LCA5L: variants seen among roughly 807,000 people sequenced by gnomAD.
LCA5L encodes lebercilin-like protein.
A neutral mutation model predicts 45.4 loss-of-function variants in LCA5L; 35 were observed. The observed-to-expected ratio is 0.77, with a 90% CI of 0.59 to 1.02. The LOEUF (loss-of-function observed/expected upper bound fraction) is 1.02, where lower values mean the gene tolerates loss of function less well. Ranked by LOEUF, LCA5L falls within the 50% of genes least tolerant of loss-of-function variation. The pLI is 0.00. For synonymous variants in LCA5L, 233 were observed against 264.7 expected (o/e 0.88, Z 1.16); for missense variants, 668 against 761.6 (o/e 0.88, Z 1.45).
At chr21:39,423,514 T>C in intron 5 of LCA5L, 24 bp from the exon 6 acceptor site, 1 of 1,519,654 alleles carries the variant, frequency 6.6e-7, no homozygotes, top group Non-Finnish European at 8.7e-7. Flanking sequence ...AAATCCAGTT[T>C]ATTACTAGTA....
intron 7 of LCA5L, among the ~76,000 whole-genome samples, chr21:39,419,893 A>G (rs1441911086): frequency 6.6e-6 from 1 of 152,234 alleles, no homozygotes; most frequent in Non-Finnish European, 1.5e-5. Context: ...AATATTTTAA[A>G]AATTCTTATT....
At chr21:39,407,388 G>A (rs2039258606) in intron 10 of LCA5L, among the ~76,000 whole-genome samples, 1 of 152,194 alleles carries the variant, frequency 6.6e-6, no homozygotes, top group African/African-American at 2.4e-5. Flanking sequence ...TGTTGGTACA[G>A]CATTTTTGGA....
chr21:39,417,199 AT>A (rs1181865017), intron 7 of LCA5L, among the ~76,000 whole-genome samples: 1 of 151,810 alleles, frequency 6.6e-6, no homozygotes, highest in Non-Finnish European at 1.5e-5. Context: ...CACCTGGCTA[AT>A]TTTTTTATTT....
chr21:39,442,348 C>T (rs775293314), intron 2 of LCA5L, among the ~76,000 whole-genome samples: 1 of 152,016 alleles, frequency 6.6e-6, no homozygotes, highest in South Asian at 2.1e-4. Flanking sequence ...GCAGGGCCTT[C>T]GGAAGGCGTG....
intron 2 of LCA5L, among the ~76,000 whole-genome samples, chr21:39,442,901 G>A (rs145549171): frequency 3.0e-3 from 454 of 152,260 alleles, no homozygotes; most frequent in Non-Finnish European, 4.9e-3. Context: ...ATGAAGGGGC[G>A]CAATGGAGAA....
At position 39,412,699 on chromosome 21, in the gene LCA5L, G is replaced by A. The variant is rs148514011; in HGVS notation, c.976-897C>T. On this transcript the variant is annotated intron_variant, in intron 7 of 10. Coordinates refer to ENST00000288350, the MANE Select transcript of LCA5L (RefSeq NM_152505.4). ...ATCTATGGGCCAAGGGATATTCAGG[G>A]GGTGAGAAACATCTCTGAGGTTTGG... Among the ~76,000 whole-genome samples the A allele has an allele frequency of 5.2e-3, 787 of 152,284 alleles. 10 individuals are homozygous for A. Among genetic ancestry groups the A allele is most frequent in the African/African-American group, 0.018 (736 of 41,558 alleles).
intron 2 of LCA5L, chr21:39,439,610 A>G (rs1490472893): frequency 1.3e-5 from 2 of 152,244 alleles, no homozygotes; most frequent in African/African-American, 2.4e-5. Context: ...GCCTTGGACT[A>G]TATCTAGGAA....
intron 10 of LCA5L, among the ~76,000 whole-genome samples, chr21:39,406,947 C>G (rs1305442131): frequency 6.6e-6 from 1 of 152,186 alleles, no homozygotes; most frequent in Non-Finnish European, 1.5e-5. Context: ...ACAATGATGG[C>G]TGGGTGCAGT....
At chr21:39,426,588 T>C (rs1383270701) in intron 5 of LCA5L, among the ~76,000 whole-genome samples, 2 of 152,238 alleles carry the variant, frequency 1.3e-5, no homozygotes, top group Admixed American at 1.3e-4. Context: ...ACTATATTTT[T>C]GCAGTGAAAT....
chr21:39,417,330 G>A (rs1326822114), intron 7 of LCA5L, among the ~76,000 whole-genome samples: 1 of 152,162 alleles, frequency 6.6e-6, no homozygotes, highest in Non-Finnish European at 1.5e-5. Flanking sequence ...ATGAGCCACT[G>A]TACCCAGCTG....
chr21:39,441,062 G>A (rs759982172), intron 2 of LCA5L, among the ~76,000 whole-genome samples: 1 of 152,098 alleles, frequency 6.6e-6, no homozygotes, highest in Non-Finnish European at 1.5e-5. Context: ...TTGGCCTGGC[G>A]TGGTGGCTCA....
intron 7 of LCA5L, chr21:39,413,719 G>C (rs973694437): frequency 3.3e-5 from 5 of 152,264 alleles, no homozygotes; most frequent in African/African-American, 1.2e-4. Flanking sequence ...GGTGTATTCT[G>C]GATAATAGCT....
In LCA5L at chr21:39,405,838, G is replaced by A; in HGVS notation, c.*44C>T. On this transcript the variant is annotated 3_prime_UTR_variant, in exon 11 of 11. Transcript: ENST00000288350. ...CAAAAATAAGATGCAAGGCACATAA[G>A]CAGCATTATATCAAACCAGAATGCA... The A allele has an allele frequency of 2.9e-6, 4 of 1,377,684 alleles. No individual in the cohort carries two copies. The highest frequency in any genetic ancestry group is 2.9e-6 in the Non-Finnish European group (3 of 1,024,634). The allele number at this position is 1,377,684 out of a possible 1,614,324, so 85.3% of individuals were successfully genotyped here. A position where few individuals can be genotyped will look rare whatever the true frequency, so the allele number is the denominator to read the frequency against.
intron 10 of LCA5L, 52 bp from the exon 11 acceptor site, chr21:39,406,664 A>G: frequency 7.2e-7 from 1 of 1,381,876 alleles, no homozygotes; most frequent in Non-Finnish European, 9.9e-7. Context: ...ATGGATCTCT[A>G]TTTCAAGATG....
Position 39,411,788 on chromosome 21 carries a change from C to T in LCA5L, c.990G>A (p.Glu330=), listed in dbSNP as rs1238016469. 2 of 1,584,184 alleles carry T rather than the reference C, an allele frequency of 1.3e-6. No individual in the cohort carries two copies. The highest frequency in any genetic ancestry group is 4.5e-5 in the East Asian group (2 of 44,552). The part of the protein sequence containing the change: ...LQQKLKEKDR[E]LEIKNIYSHR... ...GACTATAGATGTTTTTAATTTCAAGCTCACGATCCTTTTCCTAAAAAGAAC... is the reference window on the plus strand; with the variant it reads ...GACTATAGATGTTTTTAATTTCAAGTTCACGATCCTTTTCCTAAAAAGAAC... Residue 330 remains glutamate (E), a synonymous_variant, in exon 8 of 11, where the codon GAG becomes GAA. Coordinates refer to ENST00000288350, the MANE Select transcript of LCA5L (RefSeq NM_152505.4).
intron 3 of LCA5L, among the ~76,000 whole-genome samples, chr21:39,432,406 T>G (rs1407467510): frequency 1.3e-5 from 2 of 152,198 alleles, no homozygotes; most frequent in African/African-American, 4.8e-5. Context: ...AAAATGAAGA[T>G]TTTAAAAAAT....
intron 7 of LCA5L, 145 bp downstream of exon 7, chr21:39,420,561 G>T: frequency 4.5e-6 from 2 of 444,828 alleles, no homozygotes; most frequent in Non-Finnish European, 7.8e-6. Flanking sequence ...AACTGTGGAT[G>T]GGGGCCCAGG....
intron 3 of LCA5L, among the ~76,000 whole-genome samples, chr21:39,430,705 T>A (rs1369582410): frequency 1.3e-5 from 2 of 152,130 alleles, no homozygotes; most frequent in South Asian, 2.1e-4. Context: ...ATTTCTAAGC[T>A]GCTTGCTCCG....
intron 5 of LCA5L, among the ~76,000 whole-genome samples, chr21:39,423,951 T>G (rs2074188912): frequency 1.3e-5 from 2 of 152,070 alleles, no homozygotes; most frequent in Non-Finnish European, 1.5e-5. Flanking sequence ...GGACAAGAGT[T>G]TGAGACCAGC....
Sources: allele counts gnomAD v4.1 joint callset (sites outside exome capture counted in the v4.1 genomes callset), GRCh38; gene constraint gnomAD v4.1.1; transcripts MANE v1.5; gene names NCBI Gene and HGNC (gene_info 2026-07-23, HGNC 2026-07-21).